AGBL4: variants seen among roughly 807,000 people sequenced by gnomAD.
AGBL4 encodes the protein cytosolic carboxypeptidase 6.
A neutral mutation model predicts 66.4 loss-of-function variants in AGBL4; 58 were observed. The ratio of observed to expected loss-of-function variants is 0.87; its 90% CI spans 0.71 to 1.09. The LOEUF (loss-of-function observed/expected upper bound fraction) is 1.09, where lower values mean the gene tolerates loss of function less well. Ranked by LOEUF, AGBL4 falls within the 50% of genes least tolerant of loss-of-function variation. The pLI is 0.00. For synonymous variants in AGBL4, 234 were observed against 222.9 expected (o/e 1.05, Z -0.44); for missense variants, 579 against 631.0 (o/e 0.92, Z 0.88).
intron 6 of AGBL4, among the ~76,000 whole-genome samples, chr1:48,859,291 A>G (rs927782772): frequency 5.3e-5 from 8 of 152,264 alleles, no homozygotes; most frequent in Admixed American, 5.2e-4. Context: ...CATTGCATAC[A>G]TTGAGCAGAT....
intron 4 of AGBL4, among the ~76,000 whole-genome samples, chr1:49,081,862 A>T (rs1360997448): frequency 6.6e-6 from 1 of 152,202 alleles, no homozygotes; most frequent in Non-Finnish European, 1.5e-5. Flanking sequence ...AGGAAACTTG[A>T]AAATGTCAAT....
At chr1:49,849,943 CA>C in intron 2 of AGBL4, among the ~76,000 whole-genome samples, 1 of 151,958 alleles carries the variant, frequency 6.6e-6, no homozygotes, top group Admixed American at 6.6e-5. Context: ...AAGAAAGAAT[CA>C]AAGATATTAT....
intron 1 of AGBL4, among the ~76,000 whole-genome samples, chr1:49,855,906 G>A (rs796954775): frequency 6.6e-6 from 1 of 151,928 alleles, no homozygotes; most frequent in African/African-American, 2.4e-5. Context: ...GATCAAAGCA[G>A]AACTAAGCAA....
chr1:48,949,915 C>G (rs1656824800), intron 5 of AGBL4, among the ~76,000 whole-genome samples: 1 of 152,168 alleles, frequency 6.6e-6, no homozygotes, highest in African/African-American at 2.4e-5. Flanking sequence ...AAATTCTCAT[C>G]TAGGGCAGGT....
chr1:49,262,158 T>C (rs553663979), intron 3 of AGBL4, among the ~76,000 whole-genome samples: 1 of 152,198 alleles, frequency 6.6e-6, no homozygotes, highest in South Asian at 2.1e-4. Context: ...CAAAAATCAA[T>C]TCAAGATGGA....
intron 3 of AGBL4, among the ~76,000 whole-genome samples, chr1:49,375,248 C>T (rs532605449): frequency 6.6e-5 from 10 of 152,080 alleles, no homozygotes; most frequent in Non-Finnish European, 1.3e-4. Context: ...GGGGGAAAGT[C>T]CCAAGTGTCC....
chr1:48,630,056 G>A (rs1199257718), intron 9 of AGBL4, among the ~76,000 whole-genome samples: 1 of 152,092 alleles, frequency 6.6e-6, no homozygotes, highest in African/African-American at 2.4e-5. Flanking sequence ...TTCCCTGGGG[G>A]ACAATCAATC....
chr1:49,794,080 A>C (rs890855573), intron 2 of AGBL4, among the ~76,000 whole-genome samples: 1 of 152,010 alleles, frequency 6.6e-6, no homozygotes, highest in Non-Finnish European at 1.5e-5. Context: ...AGTGGAAAAC[A>C]GCTTGGCAAA....
chr1:48,861,263 G>T (rs1647439578), intron 6 of AGBL4, among the ~76,000 whole-genome samples: 1 of 152,166 alleles, frequency 6.6e-6, no homozygotes, highest in African/African-American at 2.4e-5. Context: ...ACCATGGAGG[G>T]CTGCTTAATA....
intron 6 of AGBL4, among the ~76,000 whole-genome samples, chr1:48,731,834 T>C (rs1336704030): frequency 6.6e-6 from 1 of 152,180 alleles, no homozygotes; most frequent in East Asian, 1.9e-4. Context: ...GTTTAGAAGC[T>C]TACCCTTCAA....
chr1:49,354,655 C>A (rs1643982004), intron 3 of AGBL4, among the ~76,000 whole-genome samples: 1 of 152,166 alleles, frequency 6.6e-6, no homozygotes, highest in African/African-American at 2.4e-5. Context: ...GAAACTGTGA[C>A]TTTAAGCAAA....
intron 5 of AGBL4, among the ~76,000 whole-genome samples, chr1:48,898,954 A>G (rs887219845): frequency 4.6e-5 from 7 of 152,076 alleles, no homozygotes; most frequent in African/African-American, 1.4e-4. Flanking sequence ...CGCCCATGGT[A>G]CCTCCTTACT....
At chr1:49,701,894 G>A (rs530447922) in intron 2 of AGBL4, among the ~76,000 whole-genome samples, 1 of 152,036 alleles carries the variant, frequency 6.6e-6, no homozygotes, top group South Asian at 2.1e-4. Flanking sequence ...AGAAGCAAAT[G>A]TAACTATACT....
At chr1:49,593,755 TA>T (rs536478169) in intron 3 of AGBL4, among the ~76,000 whole-genome samples, 72 of 152,250 alleles carry the variant, frequency 4.7e-4, no homozygotes, top group Middle Eastern at 3.4e-3. Context: ...AATAATTAAG[TA>T]AAAAACTTTG....
At chr1:49,089,614 A>T (rs1644967799) in intron 4 of AGBL4, among the ~76,000 whole-genome samples, 1 of 152,134 alleles carries the variant, frequency 6.6e-6, no homozygotes, top group African/African-American at 2.4e-5. Context: ...AAGTCTACCA[A>T]CCAGAAAAAG....
intron 2 of AGBL4, among the ~76,000 whole-genome samples, chr1:49,806,923 C>T (rs930835125): frequency 6.6e-6 from 1 of 152,174 alleles, no homozygotes; most frequent in African/African-American, 2.4e-5. Flanking sequence ...GTTGCCACCC[C>T]TCTAGAGGAC....
At chr1:49,837,473 TAATTAAG>T (rs2148031916) in intron 2 of AGBL4, among the ~76,000 whole-genome samples, 1 of 152,290 alleles carries the variant, frequency 6.6e-6, no homozygotes, top group East Asian at 1.9e-4. Flanking sequence ...TGGTATGAAA[TAATTAAG>T]CATGACCTAG....
chr1:48,782,829 C>T (rs1389332958), intron 6 of AGBL4, among the ~76,000 whole-genome samples: 2 of 152,184 alleles, frequency 1.3e-5, no homozygotes, highest in African/African-American at 4.8e-5. Context: ...CGTTCTATGA[C>T]TTTGGACAAA....
At chr1:49,769,099 G>A (rs1036767897) in intron 2 of AGBL4, among the ~76,000 whole-genome samples, 19 of 151,732 alleles carry the variant, frequency 1.3e-4, no homozygotes, top group Admixed American at 6.6e-5. Flanking sequence ...TGCCCACCTC[G>A]GCCTCCCAAA....
Sources: allele counts gnomAD v4.1 joint callset (sites outside exome capture counted in the v4.1 genomes callset), GRCh38; gene constraint gnomAD v4.1.1; transcripts MANE v1.5; gene names NCBI Gene and HGNC (gene_info 2026-07-23, HGNC 2026-07-21).